The following ARHGEF18 variants were observed in gnomAD, a reference collection of about 807,000 sequenced individuals.
The protein encoded by ARHGEF18 is rho guanine nucleotide exchange factor 18.
Under a neutral mutation model 155.7 loss-of-function variants are expected in ARHGEF18, and 93 were observed. The ratio of observed to expected loss-of-function variants is 0.60; its 90% CI spans 0.50 to 0.71. The LOEUF (loss-of-function observed/expected upper bound fraction) is 0.71. ARHGEF18 is among the 30% of genes least tolerant of loss of function. The pLI is 0.00. For missense variants in ARHGEF18, 1,593 were observed against 1,816.1 expected, an observed-to-expected ratio of 0.88 and a Z score of 2.23; for synonymous variants, 742 against 753.1, an observed-to-expected ratio of 0.99 and a Z score of 0.24.
In ARHGEF18 at chr19:7,398,228, C is replaced by T. The variant is rs571105796; in HGVS notation, c.967+15025C>T. On this transcript the variant is annotated intron_variant, in intron 10 of 28. Coordinates refer to ENST00000668164, the MANE Select transcript of ARHGEF18 (RefSeq NM_001367823.1). ...GGGATTACAGGTGTGTGCCACCACGCCCAGCTAATTTTTTGTATTTTTAGT... is the reference window on the plus strand; with the variant it reads ...GGGATTACAGGTGTGTGCCACCACGTCCAGCTAATTTTTTGTATTTTTAGT... Among the ~76,000 whole-genome samples the T allele has an allele frequency of 1.4e-4, 21 of 152,154 alleles. No individual in the cohort carries two copies. In the South Asian group the frequency reaches 4.2e-3, roughly 30 times the overall value.
chr19:7,398,291 G>A (rs1971836584), intron 10 of ARHGEF18, among the ~76,000 whole-genome samples: 1 of 151,766 alleles, frequency 6.6e-6, no homozygotes, highest in African/African-American at 2.4e-5. Flanking sequence ...GGCTGATGTC[G>A]AACTCCTGAC....
At chr19:7,439,049 T>C (rs1444590087) in intron 10 of ARHGEF18, among the ~76,000 whole-genome samples, 1 of 151,990 alleles carries the variant, frequency 6.6e-6, no homozygotes, top group Non-Finnish European at 1.5e-5. Flanking sequence ...TTTTTGTATT[T>C]TGTATTTTTT....
chr19:7,447,830 A>T (rs36104704), intron 15 of ARHGEF18, among the ~76,000 whole-genome samples: 1 of 151,358 alleles, frequency 6.6e-6, no homozygotes, highest in Non-Finnish European at 1.5e-5. Flanking sequence ...CCTGTCTCTA[A>T]GAAAAATTTA....
rs1301470898 is a variant in ARHGEF18, at chr19:7,362,894, G to A, written c.4G>A (p.Gly2Arg). The part of the protein sequence containing the change: M[G>R]DDQEDDFPRR... ...GAACCCAGACTTCTTCTCTGCCATG[G>A]GGGATGATCAGGCAGGTGTCTGACT... is the stretch of plus-strand genomic sequence containing the variant. The change falls in exon 2 of 29, where the codon GGG (glycine) becomes AGG (arginine). Residue 2 changes from glycine to arginine, a missense_variant. Transcript: ENST00000668164. 4.9e-6 allele frequency: 6 copies of A among 1,234,226 alleles called. No homozygotes were observed. Among genetic ancestry groups the A allele is most frequent in the African/African-American group, 1.6e-5 (1 of 64,484 alleles). 76.5% of individuals were successfully genotyped at this position (1,234,226 alleles called of 1,614,324 possible).
At chr19:7,362,009 A>AGAG (rs60943156) in intron 1 of ARHGEF18, among the ~76,000 whole-genome samples, 2 of 48,014 alleles carry the variant, frequency 4.2e-5, no homozygotes, top group African/African-American at 1.1e-4. Context: ...AAGAAGAAGA[A>AGAG]GAAGAAGGAG....
intron 10 of ARHGEF18, among the ~76,000 whole-genome samples, chr19:7,412,870 T>C (rs1342209564): frequency 1.3e-5 from 2 of 152,216 alleles, no homozygotes; most frequent in East Asian, 3.8e-4. Context: ...TGGTCGTTTG[T>C]ATCTCTTCTT....
chr19:7,465,479 G>A (rs925205215), intron 23 of ARHGEF18, among the ~76,000 whole-genome samples: 10 of 148,992 alleles, frequency 6.7e-5, no homozygotes, highest in African/African-American at 2.5e-4. Flanking sequence ...CGTGATCACA[G>A]CTCACACAGC....
In ARHGEF18 at chr19:7,395,334, ACC is replaced by A. The variant is rs1022737072; in HGVS notation, c.967+12135_967+12136del. The stretch of plus-strand genomic sequence containing the variant: ...TTCAGGGGGTGGCCTGGGGCGCGGG[ACC>A]CCCGGGGCTGCCTCGGGCCTCCCGC... On this transcript the variant is annotated intron_variant, in intron 10 of 28. Coordinates refer to ENST00000668164, the MANE Select transcript of ARHGEF18 (RefSeq NM_001367823.1). The surrounding 1 kb of genome is among the most constrained non-coding windows in gnomAD (Gnocchi z 5.0). 2 of 983,796 alleles carry A rather than the reference ACC, an allele frequency of 2.0e-6. No individual in the cohort carries two copies. The highest frequency in any genetic ancestry group is 2.4e-6 in the Non-Finnish European group (2 of 828,740). The allele number at this position is 983,796 out of a possible 1,614,324, so 60.9% of individuals were successfully genotyped here. A position where few individuals can be genotyped will look rare whatever the true frequency, so the allele number is the denominator to read the frequency against.
chr19:7,472,893 G>A (rs755698410), downstream of ARHGEF18: 1 of 442,990 alleles, frequency 2.3e-6, no homozygotes, highest in East Asian at 7.1e-5. Flanking sequence ...GTAGACATGG[G>A]GTTTCGCCAT....
intron 5 of ARHGEF18, among the ~76,000 whole-genome samples, chr19:7,377,034 G>T (rs1206403952): frequency 6.6e-6 from 1 of 151,808 alleles, no homozygotes; most frequent in Admixed American, 6.6e-5. Context: ...TTGCCCCATT[G>T]CAATGAGCTT....
chr19:7,457,789 T>A (rs953640691), intron 18 of ARHGEF18, among the ~76,000 whole-genome samples: 1 of 152,080 alleles, frequency 6.6e-6, no homozygotes, highest in Admixed American at 6.6e-5. Context: ...AATGTGCATT[T>A]TGCTGGTCTG....
chr19:7,464,716 A>G (rs1976510695), intron 23 of ARHGEF18, 26 bp downstream of exon 23: 20 of 1,613,354 alleles, frequency 1.2e-5, no homozygotes, highest in Non-Finnish European at 1.6e-5. Context: ...TTTGCTCGGT[A>G]CAGTCTGAGT....
intron 1 of ARHGEF18, among the ~76,000 whole-genome samples, chr19:7,356,672 T>C (rs1315667648): frequency 6.6e-6 from 1 of 152,090 alleles, no homozygotes; most frequent in Admixed American, 6.6e-5. Flanking sequence ...CTGGACAATA[T>C]CATAAAAGCT....
Position 7,440,450 on chromosome 19 carries a change from A to G in ARHGEF18, c.1074A>G (p.Thr358=), listed in dbSNP as rs2145773599. 6.2e-7 allele frequency: 1 copy of G among 1,600,168 alleles called. No homozygotes were observed. The highest frequency in any genetic ancestry group is 1.7e-5 in the Admixed American group (1 of 59,992). The change falls in exon 11 of 29, where the codon ACA becomes ACG. Residue 358 remains threonine (T), a synonymous_variant. Transcript: ENST00000668164. The surrounding 1 kb of genome is among the most constrained non-coding windows in gnomAD (Gnocchi z 5.4). ...CTCAGAAAGGGGGTCCCCAGCCAACACCGAGCCCGGCTGGCCCTGGGACGC... is the reference window on the plus strand; with the variant it reads ...CTCAGAAAGGGGGTCCCCAGCCAACGCCGAGCCCGGCTGGCCCTGGGACGC... ...TVSQKGGPQP[T]PSPAGPGTQL...
intron 2 of ARHGEF18, among the ~76,000 whole-genome samples, chr19:7,370,559 C>A (rs1970158016): frequency 1.3e-5 from 2 of 152,136 alleles, no homozygotes; most frequent in Middle Eastern, 3.4e-3. Context: ...TATGATCCCG[C>A]AATTCCACTT....
chr19:7,440,199 G>C lies in ARHGEF18; in HGVS notation c.968-145G>C. ...CGGCTCTTTCCCCAGGAAATGGAGCGAGAACGTCTTCTTGGATAACGAGCT... is the reference window on the plus strand; with the variant it reads ...CGGCTCTTTCCCCAGGAAATGGAGCCAGAACGTCTTCTTGGATAACGAGCT... On this transcript the variant is annotated intron_variant, in intron 10 of 28. Transcript: ENST00000668164. The surrounding 1 kb of genome is among the most constrained non-coding windows in gnomAD (Gnocchi z 5.4). 2.6e-6 allele frequency: 4 copies of C among 1,551,566 alleles called. No homozygotes were observed. The highest frequency in any genetic ancestry group is 3.5e-6 in the Non-Finnish European group (4 of 1,146,962).
chr19:7,352,340 G>T (rs78850031), intron 1 of ARHGEF18, among the ~76,000 whole-genome samples: 140,729 of 151,206 alleles, frequency 0.93, 65,566 homozygotes, highest in East Asian at 0.97. Context: ...TTTAGGGGTG[G>T]CAATCACCTC....
chr19:7,441,787 C>T (rs764799847), intron 12 of ARHGEF18, 22 bp downstream of exon 12: 32 of 1,613,208 alleles, frequency 2.0e-5, no homozygotes, highest in South Asian at 3.3e-5. Flanking sequence ...TCCGCTCTCT[C>T]GCGGCTGCCA....
At chr19:7,357,275 G>T (rs10408193) in intron 1 of ARHGEF18, among the ~76,000 whole-genome samples, 16,872 of 152,206 alleles carry the variant, frequency 0.11, 2,982 homozygotes, top group African/African-American at 0.37. Flanking sequence ...AAGAATCAGT[G>T]TATCTGCCAT....
Sources: gnomAD v4.1 joint callset for allele counts (sites outside exome capture counted in the v4.1 genomes callset) on GRCh38, gnomAD v4.1.1 for gene constraint, Gnocchi (gnomAD v3.1) non-coding constraint, MANE v1.5 for transcripts, NCBI Gene and HGNC (gene_info 2026-07-23, HGNC 2026-07-21) for gene names.